DNAH3: variants seen among roughly 807,000 people sequenced by gnomAD.
DNAH3 encodes axonemal beta dynein heavy chain 3.
Under a neutral mutation model 432.5 loss-of-function variants are expected in DNAH3, and 332 were observed. The observed-to-expected ratio is 0.77, with a 90% CI of 0.70 to 0.84. The LOEUF is 0.84. DNAH3 is among the 40% of genes least tolerant of loss of function. DNAH3 has a pLI of 0.00. For synonymous variants in DNAH3, 1,956 were observed against 1,900.2 expected, an observed-to-expected ratio of 1.03 and a Z score of -0.76; for missense variants, 4,861 against 5,114.0, an observed-to-expected ratio of 0.95 and a Z score of 1.51.
At chr16:20,978,780 A>G (rs1488003894) in intron 50 of DNAH3, among the ~76,000 whole-genome samples, 1 of 152,062 alleles carries the variant, frequency 6.6e-6, no homozygotes, top group African/African-American at 2.4e-5. Flanking sequence ...CTTGGCCTCA[A>G]CTGATCCTCC....
chr16:20,962,480 A>G lies in DNAH3; in HGVS notation c.10600+804T>C, dbSNP rs975166728. 2.0e-5 allele frequency among the ~76,000 whole-genome samples: 3 copies of G among 152,314 alleles called. No individual in the cohort carries two copies. In the South Asian group the frequency reaches 6.2e-4, roughly 32 times the overall value. ...AGGTGAAAAGCTGGTGGGAAACTGT[A>G]TAAGGGAGGGAGTGGGGGAATGGAG... On this transcript the variant is annotated intron_variant, in intron 53 of 61. Transcript: ENST00000261383.
chr16:21,151,484 G>C (rs975401450), intron 1 of DNAH3, among the ~76,000 whole-genome samples: 4 of 151,946 alleles, frequency 2.6e-5, no homozygotes, highest in African/African-American at 7.3e-5. Context: ...TTTTAGTAGA[G>C]ACGGGGTTTC....
chr16:21,020,782 T>C (rs1350815568), intron 40 of DNAH3, among the ~76,000 whole-genome samples: 2 of 152,064 alleles, frequency 1.3e-5, no homozygotes, highest in African/African-American at 2.4e-5. Flanking sequence ...TATAGTTCAG[T>C]GGTATTAAGT....
At chr16:20,959,437 A>G in intron 53 of DNAH3, 33 bp from the exon 54 acceptor site, 1 of 1,596,438 alleles carries the variant, frequency 6.3e-7, no homozygotes, top group African/African-American at 1.3e-5. Flanking sequence ...CTTTTGAAAG[A>G]CGACAGGCCA....
chr16:21,030,318 AG>A (rs1209091279), intron 37 of DNAH3, among the ~76,000 whole-genome samples: 2 of 152,234 alleles, frequency 1.3e-5, no homozygotes, highest in Non-Finnish European at 2.9e-5. Context: ...CCCACCACAT[AG>A]GAAGCGCCAC....
In DNAH3 at chr16:21,125,100, A is replaced by G. The variant is rs1216478253; in HGVS notation, c.1404+75T>C. The G allele has an allele frequency of 7.0e-6, 9 of 1,284,486 alleles. No individual in the cohort carries two copies. The South Asian group carries it at 1.5e-4, about 21-fold the overall frequency. 79.6% of individuals were successfully genotyped at this position (1,284,486 alleles called of 1,614,324 possible). On this transcript the variant is annotated intron_variant, in intron 9 of 61. Transcript: ENST00000261383. ...CCCTGGCTCACAGCTGAGGACGTAC[A>G]TGACAGAGTCCTGGCTCTAACCAAG...
intron 52 of DNAH3, among the ~76,000 whole-genome samples, chr16:20,966,702 G>A (rs905991401): frequency 1.3e-5 from 2 of 152,318 alleles, no homozygotes; most frequent in South Asian, 4.1e-4. Flanking sequence ...AAAGGCAGCG[G>A]GAGCCACAGC....
chr16:21,049,956 C>A (rs1451078156), exon 30 of DNAH3: 1 of 1,614,202 alleles, frequency 6.2e-7, no homozygotes, highest in Admixed American at 1.7e-5. Context: ...TTCTGTCTTG[C>A]CAGTCCCAGC....
intron 56 of DNAH3, among the ~76,000 whole-genome samples, chr16:20,949,824 A>G (rs960943553): frequency 6.6e-6 from 1 of 152,204 alleles, no homozygotes; most frequent in Non-Finnish European, 1.5e-5. Context: ...TGACTGGAAC[A>G]GTTGGAAGGT....
intron 51 of DNAH3, among the ~76,000 whole-genome samples, chr16:20,971,434 G>A (rs1251394339): frequency 6.6e-6 from 1 of 152,118 alleles, no homozygotes; most frequent in East Asian, 1.9e-4. Context: ...GAGGGCCACA[G>A]CCCTGAAAGG....
intron 32 of DNAH3, among the ~76,000 whole-genome samples, chr16:21,040,466 G>A (rs1265174078): frequency 1.4e-5 from 2 of 145,300 alleles, no homozygotes; most frequent in Non-Finnish European, 3.0e-5. Flanking sequence ...CCAGGTTCAA[G>A]CGATTCTCGT....
intron 20 of DNAH3, among the ~76,000 whole-genome samples, chr16:21,077,801 G>A (rs1355707838): frequency 3.3e-5 from 5 of 152,132 alleles, no homozygotes; most frequent in African/African-American, 1.2e-4. Flanking sequence ...GAGACCATCT[G>A]ATATTTACTC....
intron 41 of DNAH3, among the ~76,000 whole-genome samples, chr16:21,010,889 T>G (rs1482483241): frequency 1.6e-5 from 1 of 63,766 alleles, no homozygotes; most frequent in East Asian, 2.8e-4. Context: ...CCAAAACCTG[T>G]TTTTTTTTTT....
At chr16:20,962,612 T>C (rs926619943) in intron 53 of DNAH3, among the ~76,000 whole-genome samples, 21 of 152,190 alleles carry the variant, frequency 1.4e-4, no homozygotes, top group Non-Finnish European at 2.9e-4. Flanking sequence ...GGACACAGTG[T>C]GAAGTTTCCT....
At chr16:20,956,052 C>T (rs1021088507) in intron 54 of DNAH3, among the ~76,000 whole-genome samples, 14 of 151,952 alleles carry the variant, frequency 9.2e-5, no homozygotes, top group South Asian at 4.2e-4. Context: ...CTCAGCCTCC[C>T]GAGTAGCTGG....
At chr16:21,026,700 CAAA>C (rs35667454) in intron 38 of DNAH3, among the ~76,000 whole-genome samples, 16 of 47,802 alleles carry the variant, frequency 3.3e-4, no homozygotes, top group African/African-American at 1.2e-3. Flanking sequence ...TACTCCGTCT[CAAA>C]AAAAAAAAAA....
In DNAH3 at chr16:20,955,213, A is replaced by T. The variant is rs561455130; in HGVS notation, c.10827-156T>A. ...AAAAACATTATTTTATTGATAAATT[A>T]AAAAAAAATAACAAAAAAGAATAGC... On this transcript the variant is annotated intron_variant, in intron 54 of 61. Transcript: ENST00000261383. Among the ~76,000 whole-genome samples the T allele has an allele frequency of 7.3e-5, 11 of 151,634 alleles. No homozygotes were observed. In the East Asian group the frequency reaches 1.2e-3, roughly 16 times the overall value.
exon 17 of DNAH3, chr16:21,098,647 T>C (rs1196784945): frequency 6.2e-7 from 1 of 1,613,490 alleles, no homozygotes; most frequent in Non-Finnish European, 8.5e-7. Flanking sequence ...ATTTAGGTTC[T>C]TTGAAAGCTC....
chr16:21,102,185 C>T (rs2091853754), intron 16 of DNAH3, among the ~76,000 whole-genome samples: 1 of 152,168 alleles, frequency 6.6e-6, no homozygotes, highest in Non-Finnish European at 1.5e-5. Context: ...CCGCCCTCTG[C>T]TGGCCCCTGC....
Sources: gnomAD v4.1 joint callset for allele counts (sites outside exome capture counted in the v4.1 genomes callset) on GRCh38, gnomAD v4.1.1 for gene constraint, MANE v1.5 for transcripts, NCBI Gene and HGNC (gene_info 2026-07-23, HGNC 2026-07-21) for gene names.